Variants in AIG1 observed in about 807,000 individuals in gnomAD.
The protein encoded by AIG1 is androgen-induced gene 1 protein.
Under a neutral mutation model 31.4 loss-of-function variants are expected in AIG1, and 23 were observed. The observed-to-expected ratio is 0.73, with a 90% CI of 0.53 to 1.04. AIG1 has a LOEUF of 1.04. Among genes scored for constraint, AIG1 ranks in the 50% least tolerant of loss-of-function variants. AIG1 has a pLI of 0.00. For synonymous variants in AIG1, 100 were observed against 110.5 expected, an observed-to-expected ratio of 0.90 and a Z score of 0.60; for missense variants, 274 against 295.0, an observed-to-expected ratio of 0.93 and a Z score of 0.52.
At chr6:143,318,558 A>G (rs1306510620) in intron 4 of AIG1, among the ~76,000 whole-genome samples, 1 of 152,104 alleles carries the variant, frequency 6.6e-6, no homozygotes, top group African/African-American at 2.4e-5. Flanking sequence ...AAATCCTTCT[A>G]GATATTAGCT....
intron 3 of AIG1, among the ~76,000 whole-genome samples, chr6:143,194,136 A>G (rs1053536800): frequency 6.6e-6 from 1 of 152,200 alleles, no homozygotes; most frequent in Non-Finnish European, 1.5e-5. Flanking sequence ...GAGACTAGAT[A>G]ATTTATAAAG....
chr6:143,286,069 T>G (rs1226671249), intron 4 of AIG1, among the ~76,000 whole-genome samples: 1 of 141,334 alleles, frequency 7.1e-6, no homozygotes, highest in East Asian at 2.4e-4. Flanking sequence ...TTTGCTTACC[T>G]GTGGAAAAGG....
At position 143,292,532 on chromosome 6, in the gene AIG1, C is replaced by G. The variant is rs1329712712; in HGVS notation, c.515+8307C>G. On this transcript the variant is annotated intron_variant, in intron 4 of 5. Transcript: ENST00000357847. This position sits in a 1 kb window ranked among gnomAD's most constrained non-coding sequence, Gnocchi z 4.9. ...AAAAGGCAAGGAAAGGGATTCTCCC[C>G]TAGGGCTTCCAGAAAGGAACTCAGC... Among the ~76,000 whole-genome samples, 2 of 152,240 alleles carry G rather than the reference C, an allele frequency of 1.3e-5. No homozygotes were observed. The highest frequency in any genetic ancestry group is 3.9e-4 in the East Asian group (2 of 5,180).
At chr6:143,342,356 G>A, downstream of AIG1, 2 of 673,798 alleles carry the variant, frequency 3.0e-6, no homozygotes, top group Non-Finnish European at 5.4e-6. Context: ...CCCCGCCGCA[G>A]CTGCTTAGAC....
chr6:143,192,503 G>A (rs763661734), intron 3 of AIG1, among the ~76,000 whole-genome samples: 1 of 152,030 alleles, frequency 6.6e-6, no homozygotes, highest in Non-Finnish European at 1.5e-5. Context: ...TTCTCGGGAG[G>A]CTGATGCAGG....
At position 143,284,130 on chromosome 6, in the gene AIG1, T is replaced by C. The variant is rs1239443308; in HGVS notation, c.420T>C (p.Phe140=). Residue 140 remains phenylalanine, a synonymous_variant, in exon 4 of 6, where the codon TTT becomes TTC. Transcript: ENST00000357847. The surrounding 1 kb of genome is among the most constrained non-coding windows in gnomAD (Gnocchi z 4.4). ...NHGMHTTVLP[F]ILIEMRTSHH... is the part of the protein sequence containing the mutation. ...TCCAGCACACGACGGTTCTGCCCTT[T>C]ATATTAATCGAGATGAGGACATCGC... is the stretch of plus-strand genomic sequence containing the variant. 11 of 1,613,820 alleles carry C rather than the reference T, an allele frequency of 6.8e-6. No homozygotes were observed. The Admixed American group carries it at 1.3e-4, about 20-fold the overall frequency.
intron 3 of AIG1, among the ~76,000 whole-genome samples, chr6:143,238,656 T>C (rs751514054): frequency 1.2e-4 from 19 of 152,122 alleles, no homozygotes; most frequent in Non-Finnish European, 2.6e-4. Context: ...TGTCATAGAG[T>C]TGGTTGGAAG....
intron 1 of AIG1, among the ~76,000 whole-genome samples, chr6:143,087,536 A>G (rs1002798341): frequency 6.6e-6 from 1 of 152,198 alleles, no homozygotes; most frequent in Non-Finnish European, 1.5e-5. Flanking sequence ...CCAGATCCAG[A>G]GGGATGGAAG....
chr6:143,214,693 A>T (rs930863594), intron 3 of AIG1, among the ~76,000 whole-genome samples: 5 of 152,150 alleles, frequency 3.3e-5, no homozygotes, highest in African/African-American at 1.2e-4. Flanking sequence ...TGTCTGGATG[A>T]AACCCAACAT....
At chr6:143,113,833 G>C (rs940634474) in intron 1 of AIG1, among the ~76,000 whole-genome samples, 4 of 151,624 alleles carry the variant, frequency 2.6e-5, no homozygotes, top group African/African-American at 9.7e-5. Context: ...AGAGTGCAGT[G>C]GCGTGATCTC....
chr6:143,079,779 CTTTTTTTTTTTTTT>C (rs78637706), intron 1 of AIG1, among the ~76,000 whole-genome samples: 1 of 106,972 alleles, frequency 9.3e-6, no homozygotes. Context: ...GGATAGATTC[CTTTTTTTTTTTTTT>C]TTTTTTTTGC....
chr6:143,062,089 G>C (rs757686860), intron 1 of AIG1, among the ~76,000 whole-genome samples: 1 of 152,162 alleles, frequency 6.6e-6, no homozygotes, highest in Non-Finnish European at 1.5e-5. Context: ...ATAATCTCTT[G>C]TTGACCCTCC....
intron 2 of AIG1, among the ~76,000 whole-genome samples, chr6:143,141,978 G>T (rs1427453397): frequency 6.6e-6 from 1 of 151,916 alleles, no homozygotes; most frequent in Non-Finnish European, 1.5e-5. Flanking sequence ...CTATGAAAGT[G>T]CCCCTCTCAG....
At chr6:143,106,042 C>T (rs993108585) in intron 1 of AIG1, among the ~76,000 whole-genome samples, 2 of 152,122 alleles carry the variant, frequency 1.3e-5, no homozygotes, top group African/African-American at 4.8e-5. Flanking sequence ...TTCCTAACCT[C>T]AGTACTTTGG....
intron 3 of AIG1, among the ~76,000 whole-genome samples, chr6:143,231,708 TA>T (rs1305884166): frequency 6.6e-6 from 1 of 152,244 alleles, no homozygotes; most frequent in East Asian, 1.9e-4. Flanking sequence ...TTTAAAATTA[TA>T]AAGATATTTT....
chr6:143,247,734 A>G (rs1245813051), intron 3 of AIG1, among the ~76,000 whole-genome samples: 1 of 152,230 alleles, frequency 6.6e-6, no homozygotes, highest in Non-Finnish European at 1.5e-5. Context: ...CCTTGCTGGT[A>G]CGTGAGAGAG....
chr6:143,086,194 C>T (rs1778764623), intron 1 of AIG1, among the ~76,000 whole-genome samples: 1 of 152,174 alleles, frequency 6.6e-6, no homozygotes, highest in African/African-American at 2.4e-5. Flanking sequence ...TCAGTGGTTT[C>T]ACTGTTTTCA....
intron 1 of AIG1, among the ~76,000 whole-genome samples, chr6:143,087,264 G>A (rs6906195): frequency 0.23 from 34,562 of 152,064 alleles, 8,041 homozygotes; most frequent in African/African-American, 0.58. Flanking sequence ...TGCTCCCAAG[G>A]TGGTGGCAAG....
chr6:143,221,569 G>A (rs941321684), intron 3 of AIG1, among the ~76,000 whole-genome samples: 4 of 152,082 alleles, frequency 2.6e-5, no homozygotes, highest in Non-Finnish European at 5.9e-5. Flanking sequence ...TATGTACTGT[G>A]AGCCAAGAAT....
Sources: allele counts gnomAD v4.1 joint callset (sites outside exome capture counted in the v4.1 genomes callset), GRCh38; gene constraint gnomAD v4.1.1; non-coding constraint Gnocchi (gnomAD v3.1); transcripts MANE v1.5; gene names NCBI Gene and HGNC (gene_info 2026-07-23, HGNC 2026-07-21).